The following SOX5 variants were observed in gnomAD, a reference collection of about 807,000 sequenced individuals.
The protein encoded by SOX5 is SRY-box transcription factor 5.
In SOX5, 9 loss-of-function variants were observed where a neutral mutation model predicts 92.0. The ratio of observed to expected loss-of-function variants is 0.10; its 90% confidence interval spans 0.06 to 0.17. The LOEUF (loss-of-function observed/expected upper bound fraction) is 0.17, where lower values mean the gene tolerates loss of function less well. Ranked by LOEUF, SOX5 falls within the 10% of genes least tolerant of loss-of-function variation. The pLI is 1.00. For missense variants in SOX5, 642 were observed against 944.5 expected, an observed-to-expected ratio of 0.68 and a Z score of 4.20; for synonymous variants, 344 against 336.3, an observed-to-expected ratio of 1.02 and a Z score of -0.25.
intron 1 of SOX5, among the ~76,000 whole-genome samples, chr12:24,387,520 A>G (rs1958547516): frequency 6.6e-6 from 1 of 152,120 alleles, no homozygotes; most frequent in South Asian, 2.1e-4. Flanking sequence ...GCAGAGACTC[A>G]GATGTGCATT....
intron 4 of SOX5, among the ~76,000 whole-genome samples, chr12:24,076,217 T>G (rs140346735): frequency 1.3e-5 from 2 of 152,244 alleles, no homozygotes; most frequent in African/African-American, 4.8e-5. Context: ...ATTAAAATGG[T>G]GACCATCACC....
At chr12:24,537,964 TTTTA>T (rs1951784656) in intron 1 of SOX5, among the ~76,000 whole-genome samples, 1 of 152,246 alleles carries the variant, frequency 6.6e-6, no homozygotes, top group Non-Finnish European at 1.5e-5. Context: ...TGATGTTTCC[TTTTA>T]TTTATTCTGA....
intron 3 of SOX5, among the ~76,000 whole-genome samples, chr12:24,260,060 T>A (rs115907695): frequency 0.019 from 2,940 of 152,182 alleles, 77 homozygotes; most frequent in African/African-American, 0.062. Context: ...AAGATAAGCT[T>A]AAAAGGCCTT....
chr12:24,382,976 T>G (rs186532484), intron 1 of SOX5, among the ~76,000 whole-genome samples: 217 of 152,294 alleles, frequency 1.4e-3, no homozygotes, highest in African/African-American at 4.8e-3. Flanking sequence ...GTCTGGAGTT[T>G]AGAAACGAGG....
chr12:23,771,731 C>T (rs540492205), intron 3 of SOX5, among the ~76,000 whole-genome samples: 10 of 152,272 alleles, frequency 6.6e-5, no homozygotes, highest in South Asian at 2.1e-4. Flanking sequence ...CTGCTTCTCT[C>T]GGGGCATTTC....
chr12:23,868,391 T>G (rs367919822), intron 2 of SOX5, among the ~76,000 whole-genome samples: 1 of 152,110 alleles, frequency 6.6e-6, no homozygotes, highest in African/African-American at 2.4e-5. Context: ...TATCAAGCAT[T>G]TTGAAGCAAG....
intron 1 of SOX5, among the ~76,000 whole-genome samples, chr12:24,455,940 C>T (rs958760454): frequency 1.3e-5 from 2 of 152,192 alleles, no homozygotes; most frequent in Admixed American, 1.3e-4. Context: ...CGAGGCCATG[C>T]AGTCCAAAGC....
chr12:23,845,994 T>C lies in SOX5; in HGVS notation c.470A>G (p.Asn157Ser). Residue 157 changes from asparagine (N) to serine (S), a missense_variant, in exon 3 of 15, where the codon AAC becomes AGC. Physicochemically the swap from Asn to Ser is conservative, Grantham distance 46 (BLOSUM62 1). Coordinates refer to ENST00000451604, the MANE Select transcript of SOX5 (RefSeq NM_006940.6). The stretch of plus-strand genomic sequence containing the variant: ...CTTCCAGCCTTTACCTTCCGGCTCG[T>C]TTTTGATGAGCTCTTCCATTTTCCT... ...KQRKMEELIKNEPEETPSIEK... is the reference protein window; with the variant it reads ...KQRKMEELIKSEPEETPSIEK... The C allele has an allele frequency of 6.2e-7, 1 of 1,613,810 alleles. No individual in the cohort carries two copies. The highest frequency in any genetic ancestry group is 8.5e-7 in the Non-Finnish European group (1 of 1,179,740).
At chr12:24,139,942 T>C (rs192396999) in intron 4 of SOX5, among the ~76,000 whole-genome samples, 242 of 152,272 alleles carry the variant, frequency 1.6e-3, no homozygotes, top group African/African-American at 5.8e-3. Flanking sequence ...GAATCCACAC[T>C]GCAAAGGAAA....
At chr12:23,990,044 G>T (rs1212982812) in intron 4 of SOX5, among the ~76,000 whole-genome samples, 1 of 151,504 alleles carries the variant, frequency 6.6e-6, no homozygotes, top group African/African-American at 2.4e-5. Flanking sequence ...TTCTAAATAA[G>T]AAGAAGAAAA....
chr12:24,085,738 G>A (rs1943909245), intron 4 of SOX5, among the ~76,000 whole-genome samples: 1 of 151,716 alleles, frequency 6.6e-6, no homozygotes, highest in Admixed American at 6.6e-5. Flanking sequence ...ATATTTGAAA[G>A]AAGAAAAGTT....
At chr12:24,298,935 A>G (rs1947637009) in intron 2 of SOX5, among the ~76,000 whole-genome samples, 1 of 152,068 alleles carries the variant, frequency 6.6e-6, no homozygotes, top group Non-Finnish European at 1.5e-5. Context: ...AAGAGTTTTC[A>G]TATTATTAGA....
intron 4 of SOX5, among the ~76,000 whole-genome samples, chr12:24,012,186 C>T (rs1012052789): frequency 7.2e-5 from 11 of 152,054 alleles, no homozygotes; most frequent in Admixed American, 4.6e-4. Flanking sequence ...GGTTATTTAG[C>T]GGACAAGTGG....
intron 3 of SOX5, among the ~76,000 whole-genome samples, chr12:23,770,227 A>G (rs1231909761): frequency 6.8e-6 from 1 of 147,954 alleles, no homozygotes; most frequent in African/African-American, 2.5e-5. Flanking sequence ...ACCACTTTCT[A>G]GCCCCCAAAT....
chr12:24,151,815 GTCTC>G (rs34705918), intron 4 of SOX5, among the ~76,000 whole-genome samples: 26 of 151,872 alleles, frequency 1.7e-4, no homozygotes, highest in South Asian at 4.2e-4. Context: ...GATAGACAAC[GTCTC>G]TCTCTCTTGA....
rs998430842 is a variant in SOX5, at chr12:23,532,727, C to T, written c.*1492G>A. On this transcript the variant is annotated 3_prime_UTR_variant, in exon 15 of 15. Coordinates refer to ENST00000451604, the MANE Select transcript of SOX5 (RefSeq NM_006940.6). ...TTTTATGGCATGAACTACATATGGC[C>T]CACACTTCTGAAATGCTAAAGGCCT... 1.3e-5 allele frequency: 2 copies of T among 153,166 alleles called. No individual in the cohort carries two copies. The highest frequency in any genetic ancestry group is 4.8e-5 in the African/African-American group (2 of 41,418). The allele number at this position is 153,166 out of a possible 1,614,324, so 9.5% of individuals were successfully genotyped here.
intron 4 of SOX5, among the ~76,000 whole-genome samples, chr12:24,008,198 A>G (rs1952527512): frequency 6.6e-6 from 1 of 152,118 alleles, no homozygotes; most frequent in African/African-American, 2.4e-5. Flanking sequence ...TTACCAAAAC[A>G]CTTTTTAAGG....
chr12:23,943,786 T>G (rs772877204), intron 1 of SOX5, among the ~76,000 whole-genome samples: 16 of 152,148 alleles, frequency 1.1e-4, no homozygotes, highest in Non-Finnish European at 2.1e-4. Flanking sequence ...TCTATGAACA[T>G]CTACAAGCTT....
At chr12:24,382,225 G>T (rs936612366) in intron 1 of SOX5, among the ~76,000 whole-genome samples, 2 of 152,138 alleles carry the variant, frequency 1.3e-5, no homozygotes, top group Non-Finnish European at 1.5e-5. Flanking sequence ...GAGGGCCTCC[G>T]TAAGAAGCTG....
Sources: gnomAD v4.1 joint callset for allele counts (sites outside exome capture counted in the v4.1 genomes callset) on GRCh38, gnomAD v4.1.1 for gene constraint, MANE v1.5 for transcripts, NCBI Gene and HGNC (gene_info 2026-07-23, HGNC 2026-07-21) for gene names.